The following SLC35F4 variants were observed in gnomAD, a reference collection of about 807,000 sequenced individuals.
The protein encoded by SLC35F4 is chromosome 14 open reading frame 36.
Under a neutral mutation model 44.2 loss-of-function variants are expected in SLC35F4, and 24 were observed. That is an observed-to-expected ratio of 0.54 (90% CI 0.39 to 0.76). The LOEUF (loss-of-function observed/expected upper bound fraction) is 0.76, where lower values mean the gene tolerates loss of function less well. Ranked by LOEUF, SLC35F4 falls within the 30% of genes least tolerant of loss-of-function variation. The pLI, the probability that SLC35F4 is intolerant of heterozygous loss-of-function variation, is 0.00. For synonymous variants in SLC35F4, 238 were observed against 223.6 expected, an observed-to-expected ratio of 1.06 and a Z score of -0.57; for missense variants, 562 against 586.1, an observed-to-expected ratio of 0.96 and a Z score of 0.42.
chr14:57,589,964 G>A (rs913194973), intron 2 of SLC35F4, among the ~76,000 whole-genome samples: 2 of 152,106 alleles, frequency 1.3e-5, no homozygotes, highest in Admixed American at 6.5e-5. Flanking sequence ...AAAGTAGAAC[G>A]CCAAATAGAA....
chr14:57,972,520 A>G (rs1881083485), downstream of SLC35F4, among the ~76,000 whole-genome samples: 1 of 152,132 alleles, frequency 6.6e-6, no homozygotes, highest in Non-Finnish European at 1.5e-5. Context: ...GGAAAGAACT[A>G]TATCAAAATA....
chr14:57,954,262 G>T (rs1566513293), intron 1 of SLC35F4, among the ~76,000 whole-genome samples: 1 of 152,164 alleles, frequency 6.6e-6, no homozygotes, highest in Admixed American at 6.5e-5. Flanking sequence ...GAATCACTGG[G>T]ACACAGCCAA....
chr14:57,777,202 T>C (rs2077510286), intron 1 of SLC35F4, among the ~76,000 whole-genome samples: 1 of 152,240 alleles, frequency 6.6e-6, no homozygotes, highest in Non-Finnish European at 1.5e-5. Flanking sequence ...GTTCAACCAT[T>C]GTGGAAGACA....
At chr14:57,914,441 T>C (rs1409256243) in intron 1 of SLC35F4, among the ~76,000 whole-genome samples, 1 of 152,052 alleles carries the variant, frequency 6.6e-6, no homozygotes, top group Non-Finnish European at 1.5e-5. Context: ...CGGGCGCCTG[T>C]AGTCTCAGCT....
chr14:57,569,753 A>T (rs763557188), intron 6 of SLC35F4, 35 bp downstream of exon 6: 1 of 1,537,428 alleles, frequency 6.5e-7, no homozygotes, highest in South Asian at 1.3e-5. Context: ...AAAGATTGAT[A>T]TAGGGAATGG....
chr14:57,632,232 A>G (rs1260645092), intron 1 of SLC35F4, among the ~76,000 whole-genome samples: 1 of 152,110 alleles, frequency 6.6e-6, no homozygotes, highest in African/African-American at 2.4e-5. Context: ...TCTAGCAAAG[A>G]GGAAAGTTGT....
At chr14:57,646,341 T>C (rs2073513683) in intron 1 of SLC35F4, among the ~76,000 whole-genome samples, 2 of 152,194 alleles carry the variant, frequency 1.3e-5, no homozygotes, top group African/African-American at 4.8e-5. Context: ...TTCTTCCTGG[T>C]TTAGTCTTGG....
chr14:57,709,789 T>C (rs1092054), intron 1 of SLC35F4, among the ~76,000 whole-genome samples: 148,463 of 152,268 alleles, frequency 0.98, 72,492 homozygotes, highest in Non-Finnish European at 1. Flanking sequence ...TTCTAAGCAG[T>C]AAAGCATTCA....
intron 1 of SLC35F4, among the ~76,000 whole-genome samples, chr14:57,689,488 A>AT (rs1279048761): frequency 2.6e-5 from 4 of 152,076 alleles, no homozygotes; most frequent in African/African-American, 9.7e-5. Context: ...GAACAAAAAA[A>AT]CCCTGCTCCC....
At chr14:57,928,866 C>G (rs1294527025) in intron 1 of SLC35F4, among the ~76,000 whole-genome samples, 1 of 152,066 alleles carries the variant, frequency 6.6e-6, no homozygotes, top group African/African-American at 2.4e-5. Context: ...GAAGAAGAAC[C>G]AAATGGAAAT....
chr14:57,953,722 C>G (rs547916234), intron 1 of SLC35F4, among the ~76,000 whole-genome samples: 134 of 152,196 alleles, frequency 8.8e-4, no homozygotes, highest in African/African-American at 3.2e-3. Flanking sequence ...AACAAGAAGA[C>G]CTAACTGTCC....
intron 2 of SLC35F4, among the ~76,000 whole-genome samples, chr14:57,593,149 C>T (rs1333043064): frequency 6.6e-6 from 1 of 152,198 alleles, no homozygotes; most frequent in Non-Finnish European, 1.5e-5. Context: ...AAGCGTACAA[C>T]TGTTTGCTCT....
intron 1 of SLC35F4, among the ~76,000 whole-genome samples, chr14:57,642,639 G>C (rs2073304980): frequency 6.6e-6 from 1 of 151,906 alleles, no homozygotes; most frequent in East Asian, 1.9e-4. Flanking sequence ...TTTCCAAGAA[G>C]TAGAGAAATA....
At chr14:57,867,614 G>A (rs939887628), upstream of SLC35F4, among the ~76,000 whole-genome samples, 3 of 141,340 alleles carry the variant, frequency 2.1e-5, no homozygotes, top group Non-Finnish European at 4.5e-5. Context: ...CCCCCCCCAC[G>A]TGAAATAATA....
intron 1 of SLC35F4, among the ~76,000 whole-genome samples, chr14:57,781,389 G>T (rs1340659813): frequency 2.0e-5 from 3 of 152,050 alleles, no homozygotes; most frequent in Non-Finnish European, 4.4e-5. Flanking sequence ...ACTAAAAATG[G>T]CTATTATTAA....
chr14:57,834,983 C>T (rs529319774), intron 1 of SLC35F4, among the ~76,000 whole-genome samples: 10 of 152,248 alleles, frequency 6.6e-5, no homozygotes, highest in South Asian at 6.2e-4. Flanking sequence ...GGGCCGAGAT[C>T]GCACCACTGC....
intron 1 of SLC35F4, among the ~76,000 whole-genome samples, chr14:57,787,174 A>G (rs2077785225): frequency 1.3e-5 from 2 of 152,226 alleles, no homozygotes; most frequent in Non-Finnish European, 1.5e-5. Context: ...TCAGAGCTCA[A>G]GACAAAGTCT....
At chr14:57,720,511 T>C (rs1276351311) in intron 1 of SLC35F4, among the ~76,000 whole-genome samples, 1 of 152,178 alleles carries the variant, frequency 6.6e-6, no homozygotes, top group Non-Finnish European at 1.5e-5. Flanking sequence ...ATCTCATTAC[T>C]TGTTATTGGT....
intron 1 of SLC35F4, among the ~76,000 whole-genome samples, chr14:57,656,292 C>G (rs1555367438): frequency 1.4e-5 from 2 of 141,482 alleles, no homozygotes; most frequent in South Asian, 2.2e-4. Flanking sequence ...GAGCCAGAAG[C>G]CCCCCCACAC....
Sources: allele counts gnomAD v4.1 joint callset (sites outside exome capture counted in the v4.1 genomes callset), GRCh38; gene constraint gnomAD v4.1.1; transcripts MANE v1.5; gene names NCBI Gene and HGNC (gene_info 2026-07-23, HGNC 2026-07-21).